KHDRBS2: variants seen among roughly 807,000 people sequenced by gnomAD.
KHDRBS2 encodes KH RNA binding domain containing, signal transduction associated 2.
In KHDRBS2, 26 loss-of-function variants were observed where a neutral mutation model predicts 44.3. The ratio of observed to expected loss-of-function variants is 0.59; its 90% CI spans 0.43 to 0.81. The LOEUF is 0.81. Ranked by LOEUF, KHDRBS2 falls within the 40% of genes least tolerant of loss-of-function variation. The pLI is 0.00. For synonymous variants in KHDRBS2, 194 were observed against 151.1 expected (o/e 1.28, Z -2.08); for missense variants, 476 against 433.1 (o/e 1.10, Z -0.88).
chr6:61,735,129 G>C (rs1221054906), intron 6 of KHDRBS2, among the ~76,000 whole-genome samples: 1 of 132,412 alleles, frequency 7.6e-6, no homozygotes, highest in Non-Finnish European at 1.6e-5. Context: ...ACTCACTGTA[G>C]CTTTTGTTTT....
chr6:61,661,267 G>C, the KHDRBS2 span: 1 of 151,784 alleles, frequency 6.6e-6, no homozygotes, highest in Non-Finnish European at 1.5e-5. Context: ...ATCACAAATA[G>C]ATGAAGGGAC....
intron 2 of KHDRBS2, among the ~76,000 whole-genome samples, chr6:62,122,360 C>T (rs1807862987): frequency 6.6e-6 from 1 of 152,150 alleles, no homozygotes; most frequent in Admixed American, 6.5e-5. Context: ...GAATGTTTGA[C>T]TATGGGTCAT....
At chr6:61,991,262 G>T (rs887364464) in intron 3 of KHDRBS2, among the ~76,000 whole-genome samples, 2 of 152,190 alleles carry the variant, frequency 1.3e-5, no homozygotes, top group African/African-American at 4.8e-5. Flanking sequence ...ATGCTTGAGT[G>T]TATGCCAAAT....
At chr6:62,025,983 A>C (rs1783237061) in intron 3 of KHDRBS2, among the ~76,000 whole-genome samples, 1 of 152,102 alleles carries the variant, frequency 6.6e-6, no homozygotes, top group Non-Finnish European at 1.5e-5. Context: ...TATTTGTTTC[A>C]ATTCAATGAA....
intron 6 of KHDRBS2, among the ~76,000 whole-genome samples, chr6:61,891,569 G>T (rs6455053): frequency 0.87 from 132,219 of 152,108 alleles, 57,913 homozygotes; most frequent in African/African-American, 0.95. Flanking sequence ...GTCCTGGACT[G>T]TTTTTGGGAT....
intron 6 of KHDRBS2, among the ~76,000 whole-genome samples, chr6:61,797,800 T>G (rs1395105934): frequency 6.6e-6 from 1 of 151,366 alleles, no homozygotes; most frequent in Non-Finnish European, 1.5e-5. Context: ...TATATTATAT[T>G]GAATATATTT....
intron 4 of KHDRBS2, among the ~76,000 whole-genome samples, chr6:61,956,942 C>CATCATCATT (rs55710931): frequency 1.3e-5 from 2 of 151,770 alleles, no homozygotes; most frequent in African/African-American, 4.8e-5. Context: ...TCATCATCAT[C>CATCATCATT]TGTTGTGGGA....
intron 6 of KHDRBS2, among the ~76,000 whole-genome samples, chr6:61,782,040 G>A (rs923900861): frequency 6.6e-6 from 1 of 152,106 alleles, no homozygotes; most frequent in Non-Finnish European, 1.5e-5. Context: ...TTGGCTTTTG[G>A]GGGGTGGGTT....
At chr6:61,615,491 C>T in the KHDRBS2 span, among the ~76,000 whole-genome samples, 4 of 151,910 alleles carry the variant, frequency 2.6e-5, no homozygotes, top group East Asian at 1.9e-4. Flanking sequence ...AATGAAGAAA[C>T]AAGTAGTAGT....
intron 1 of KHDRBS2, among the ~76,000 whole-genome samples, chr6:62,257,206 C>T (rs138523046): frequency 6.6e-6 from 1 of 152,026 alleles, no homozygotes; most frequent in African/African-American, 2.4e-5. Flanking sequence ...GTGCAGCATT[C>T]TTCTAGACAT....
At chr6:61,821,023 G>A (rs1212773459) in intron 6 of KHDRBS2, among the ~76,000 whole-genome samples, 2 of 151,946 alleles carry the variant, frequency 1.3e-5, no homozygotes, top group East Asian at 1.9e-4. Flanking sequence ...AATCTGTATC[G>A]AATGACTATG....
chr6:62,249,346 G>A (rs1836146967), intron 1 of KHDRBS2, among the ~76,000 whole-genome samples: 2 of 151,790 alleles, frequency 1.3e-5, no homozygotes, highest in Non-Finnish European at 2.9e-5. Context: ...TATAGTATAA[G>A]GCACACTTTA....
intron 2 of KHDRBS2, among the ~76,000 whole-genome samples, chr6:62,098,987 A>T (rs563628187): frequency 3.9e-5 from 6 of 152,196 alleles, no homozygotes; most frequent in Admixed American, 6.5e-5. Context: ...TTGGATTTTT[A>T]AAAAAATTAT....
At chr6:61,543,966 C>A in the KHDRBS2 span, among the ~76,000 whole-genome samples, 1 of 151,124 alleles carries the variant, frequency 6.6e-6, no homozygotes, top group African/African-American at 2.4e-5. Context: ...GGTAATGGGG[C>A]TGTAGGAGTA....
At chr6:61,841,858 C>G (rs1348726898) in intron 6 of KHDRBS2, among the ~76,000 whole-genome samples, 1 of 152,016 alleles carries the variant, frequency 6.6e-6, no homozygotes, top group East Asian at 1.9e-4. Context: ...CAGTAGCTAC[C>G]AAGTGCAATG....
chr6:61,968,075 C>T (rs538374540), intron 4 of KHDRBS2, among the ~76,000 whole-genome samples: 79 of 151,632 alleles, frequency 5.2e-4, no homozygotes, highest in African/African-American at 1.8e-3. Flanking sequence ...AGAAGAGGAT[C>T]TTTAAGCTTT....
chr6:61,850,361 A>T (rs1222862725), intron 6 of KHDRBS2, among the ~76,000 whole-genome samples: 1 of 152,072 alleles, frequency 6.6e-6, no homozygotes, highest in South Asian at 2.1e-4. Context: ...GTAGATGCCT[A>T]GTGCTTGGGA....
intron 6 of KHDRBS2, among the ~76,000 whole-genome samples, chr6:61,778,585 C>T (rs917511197): frequency 3.3e-5 from 5 of 152,056 alleles, no homozygotes; most frequent in African/African-American, 4.8e-5. Context: ...GATACAGGTG[C>T]CACGTGATGC....
chr6:62,073,855 ACT>A (rs1795801662), intron 2 of KHDRBS2, among the ~76,000 whole-genome samples: 1 of 151,304 alleles, frequency 6.6e-6, no homozygotes, highest in African/African-American at 2.4e-5. Flanking sequence ...GTATTTCTCC[ACT>A]CTCTATTCCA....
Sources: allele counts gnomAD v4.1 joint callset (sites outside exome capture counted in the v4.1 genomes callset), GRCh38; gene constraint gnomAD v4.1.1; transcripts MANE v1.5; gene names NCBI Gene and HGNC (gene_info 2026-07-23, HGNC 2026-07-21).